Variants in ZNF423 observed in about 807,000 individuals in gnomAD.
The protein encoded by ZNF423 is Ebf-associated zinc finger protein.
Under a neutral mutation model 95.8 loss-of-function variants are expected in ZNF423, and 12 were observed. That is an observed-to-expected ratio of 0.13 (90% CI 0.08 to 0.20). ZNF423 has a LOEUF of 0.20. Ranked by LOEUF, ZNF423 falls within the 10% of genes least tolerant of loss-of-function variation. The pLI, the probability that ZNF423 is intolerant of heterozygous loss-of-function variation, is 1.00. For synonymous variants in ZNF423, 749 were observed against 711.9 expected (o/e 1.05, Z -0.83); for missense variants, 1,316 against 1,737.1 (o/e 0.76, Z 4.31).
At chr16:49,586,538 T>G (rs1300974772) in intron 5 of ZNF423, among the ~76,000 whole-genome samples, 1 of 152,212 alleles carries the variant, frequency 6.6e-6, no homozygotes, top group South Asian at 2.1e-4. Context: ...AAGATATTCC[T>G]GGCCGCATCT....
chr16:49,750,068 C>CAGA, intron 2 of ZNF423, among the ~76,000 whole-genome samples: 1 of 152,306 alleles, frequency 6.6e-6, no homozygotes, highest in Middle Eastern at 3.4e-3. Context: ...GCCGAACAGC[C>CAGA]CATCTCTGGC....
At chr16:49,681,668 C>T (rs2031362650) in intron 3 of ZNF423, among the ~76,000 whole-genome samples, 1 of 152,266 alleles carries the variant, frequency 6.6e-6, no homozygotes, top group Admixed American at 6.5e-5. Flanking sequence ...CAGGCGTGCC[C>T]ACCCCCACAG....
At chr16:49,719,740 C>T (rs897699217) in intron 3 of ZNF423, among the ~76,000 whole-genome samples, 1 of 152,314 alleles carries the variant, frequency 6.6e-6, no homozygotes, top group Middle Eastern at 3.4e-3. Context: ...TTTCCTGAGG[C>T]CTCCCAGCCA....
chr16:49,559,295 G>T (rs1055834711), intron 5 of ZNF423, among the ~76,000 whole-genome samples: 1 of 152,260 alleles, frequency 6.6e-6, no homozygotes, highest in Admixed American at 6.5e-5. Context: ...GGGGGTCAGG[G>T]AACAGGGTAC....
At chr16:49,509,465 C>T (rs9929688) in intron 7 of ZNF423, among the ~76,000 whole-genome samples, 59,647 of 152,052 alleles carry the variant, frequency 0.39, 11,923 homozygotes, top group African/African-American at 0.46. Flanking sequence ...TCCCCATGCC[C>T]GGCCCCCAGC....
intron 2 of ZNF423, among the ~76,000 whole-genome samples, chr16:49,742,309 G>A (rs927512696): frequency 6.6e-6 from 1 of 152,078 alleles, no homozygotes; most frequent in Non-Finnish European, 1.5e-5. Context: ...AGGAATGAGT[G>A]GAAAGAAAAG....
intron 3 of ZNF423, among the ~76,000 whole-genome samples, chr16:49,646,119 T>C (rs564587680): frequency 5.3e-5 from 8 of 152,148 alleles, no homozygotes; most frequent in Non-Finnish European, 1.2e-4. Context: ...ATGGTGAGGA[T>C]TGCCCAAAGT....
At chr16:49,736,959 C>T (rs1348472673) in intron 2 of ZNF423, among the ~76,000 whole-genome samples, 1 of 152,084 alleles carries the variant, frequency 6.6e-6, no homozygotes, top group Non-Finnish European at 1.5e-5. Flanking sequence ...GCAGCAGAGG[C>T]CTTGCCAGGG....
chr16:49,692,852 CCTCTTACAT>C (rs2031837210), intron 3 of ZNF423, among the ~76,000 whole-genome samples: 1 of 152,244 alleles, frequency 6.6e-6, no homozygotes, highest in Non-Finnish European at 1.5e-5. Flanking sequence ...AGCAAAGATA[CCTCTTACAT>C]CTCCATGAAG....
intron 3 of ZNF423, among the ~76,000 whole-genome samples, chr16:49,662,025 C>T (rs1351687703): frequency 6.6e-6 from 1 of 152,202 alleles, no homozygotes; most frequent in African/African-American, 2.4e-5. Context: ...TGTGTGGTTT[C>T]CAGTCCAGTG....
chr16:49,518,562 C>T (rs1968251051), intron 7 of ZNF423: 1 of 432,038 alleles, frequency 2.3e-6, no homozygotes, highest in Non-Finnish European at 4.5e-6. Flanking sequence ...ACATCAGTTA[C>T]ACAAAACTCA....
At chr16:49,549,631 A>C (rs1404784120) in intron 5 of ZNF423, among the ~76,000 whole-genome samples, 2 of 152,180 alleles carry the variant, frequency 1.3e-5, no homozygotes, top group African/African-American at 4.8e-5. Flanking sequence ...AACATGGAGC[A>C]TGGATTGTGT....
chr16:49,734,199 G>A (rs914925514), intron 2 of ZNF423, among the ~76,000 whole-genome samples: 4 of 152,204 alleles, frequency 2.6e-5, no homozygotes, highest in Non-Finnish European at 4.4e-5. Context: ...AAGTCCTGGG[G>A]ATGGAATGAT....
chr16:49,652,098 G>A (rs140351867), intron 3 of ZNF423, among the ~76,000 whole-genome samples: 16 of 152,088 alleles, frequency 1.1e-4, no homozygotes, highest in African/African-American at 2.6e-4. Context: ...TGGCTTGGAT[G>A]TGGGTCCCTC....
chr16:49,517,060 A>G (rs912268123), intron 7 of ZNF423, among the ~76,000 whole-genome samples: 5 of 152,172 alleles, frequency 3.3e-5, no homozygotes, highest in African/African-American at 1.2e-4. Context: ...GGCTGTAGAG[A>G]GAGAGGACAA....
At chr16:49,624,396 C>CA (rs1481517831) in intron 5 of ZNF423, among the ~76,000 whole-genome samples, 1 of 151,824 alleles carries the variant, frequency 6.6e-6, no homozygotes, top group Non-Finnish European at 1.5e-5. Context: ...ACTAAAAGTA[C>CA]AAAAAAATTA....
At chr16:49,761,320 T>A (rs1344248456) in intron 2 of ZNF423, among the ~76,000 whole-genome samples, 1 of 152,210 alleles carries the variant, frequency 6.6e-6, no homozygotes, top group South Asian at 2.1e-4. Context: ...GAGGAGGCCA[T>A]ACTACAGAGG....
rs1280486073 is a variant in ZNF423, at chr16:49,525,373, C to A, written c.3723G>T (p.Val1241=). ...EGMGGTFKCP[V]CFTVFVQANK... ...AGCTGGGTACCTTACCTGTGAAACA[C>A]ACGGGGCATTTGAAGGTGCCGCCCA... Residue 1241 remains valine, a synonymous_variant, in exon 6 of 8, where the codon GTG becomes GTT. Transcript: ENST00000563137. The A allele has an allele frequency of 6.2e-7, 1 of 1,614,064 alleles. No homozygotes were observed. The highest frequency in any genetic ancestry group is 1.3e-5 in the African/African-American group (1 of 75,046).
chr16:49,646,574 CTT>C (rs71380366), intron 3 of ZNF423, among the ~76,000 whole-genome samples: 9 of 117,976 alleles, frequency 7.6e-5, no homozygotes, highest in Admixed American at 9.2e-5. Flanking sequence ...TTTTCTTTTT[CTT>C]TTTTTTTTTT....
Sources: gnomAD v4.1 joint callset for allele counts (sites outside exome capture counted in the v4.1 genomes callset) on GRCh38, gnomAD v4.1.1 for gene constraint, MANE v1.5 for transcripts, NCBI Gene and HGNC (gene_info 2026-07-23, HGNC 2026-07-21) for gene names.